UNC13A: variants seen among roughly 807,000 people sequenced by gnomAD.
UNC13A encodes unc-13 homolog A.
A neutral mutation model predicts 219.7 loss-of-function variants in UNC13A; 61 were observed. The ratio of observed to expected loss-of-function variants is 0.28; its 90% CI spans 0.23 to 0.34. UNC13A has a LOEUF of 0.34. Among genes scored for constraint, UNC13A ranks in the 10% least tolerant of loss-of-function variants. UNC13A has a pLI of 1.00. For missense variants in UNC13A, 1,476 were observed against 2,270.3 expected, an observed-to-expected ratio of 0.65 and a Z score of 7.11; for synonymous variants, 920 against 884.6, an observed-to-expected ratio of 1.04 and a Z score of -0.71.
chr19:17,627,697 A>G lies in UNC13A; in HGVS notation c.3832-100T>C. On this transcript the variant is annotated intron_variant, in intron 32 of 43. Transcript: ENST00000519716. This position sits in a 1 kb window ranked among gnomAD's most constrained non-coding sequence, Gnocchi z 4.7. ...AGGGAAAGGGATCCCAAGGGGCTGC[A>G]GGGGAAACTGAGGCACAGACCGTTA... 1.6e-6 allele frequency: 2 copies of G among 1,267,840 alleles called. No homozygotes were observed. Among genetic ancestry groups the G allele is most frequent in the East Asian group, 2.5e-5 (1 of 39,682 alleles). The allele number at this position is 1,267,840 out of a possible 1,614,324, so 78.5% of individuals were successfully genotyped here. A position where few individuals can be genotyped will look rare whatever the true frequency, so the allele number is the denominator to read the frequency against.
Position 17,678,579 on chromosome 19 carries a change from T to G in UNC13A, c.23-2538A>C, listed in dbSNP as rs1258000475. On this transcript the variant is annotated intron_variant, in intron 1 of 43. Coordinates refer to ENST00000519716, the MANE Select transcript of UNC13A (RefSeq NM_001080421.3). ...CTCTGCTTCCATCTCTGTCTTTTTTTTTTCTAGGTCTGGTTTGTTCGCTCA... is the reference window on the plus strand; with the variant it reads ...CTCTGCTTCCATCTCTGTCTTTTTTGTTTCTAGGTCTGGTTTGTTCGCTCA... Among the ~76,000 whole-genome samples, 15 of 151,992 alleles carry G rather than the reference T, an allele frequency of 9.9e-5. No homozygotes were observed. In the East Asian group the frequency reaches 2.7e-3, roughly 27 times the overall value.
At chr19:17,616,601 G>A (rs2076667640) in intron 41 of UNC13A, 1 of 509,774 alleles carries the variant, frequency 2.0e-6, no homozygotes, top group Non-Finnish European at 3.5e-6. Context: ...CGGCGAGTGA[G>A]AGGGAGGAAA....
intron 25 of UNC13A, 63 bp downstream of exon 25, chr19:17,639,020 C>A: frequency 6.6e-7 from 1 of 1,507,068 alleles, no homozygotes; most frequent in South Asian, 1.3e-5. Flanking sequence ...AGGGGCAGGG[C>A]TGGGACTGAA....
At chr19:17,639,959 C>T (rs1166826118) in intron 22 of UNC13A, 51 bp from the exon 23 acceptor site, 2 of 1,589,426 alleles carry the variant, frequency 1.3e-6, no homozygotes, top group African/African-American at 2.7e-5. Flanking sequence ...ACATGGCCGC[C>T]ATAGTGGCTG....
intron 4 of UNC13A, 129 bp downstream of exon 4, chr19:17,672,249 G>T: frequency 1.3e-6 from 1 of 749,232 alleles, no homozygotes; most frequent in Non-Finnish European, 2.3e-6. Context: ...AAGGTTCGTG[G>T]CAATCCCAAG....
chr19:17,662,168 G>A (rs1026837799), intron 8 of UNC13A, among the ~76,000 whole-genome samples: 2 of 151,994 alleles, frequency 1.3e-5, no homozygotes, highest in Non-Finnish European at 2.9e-5. Flanking sequence ...ACTTGAACTC[G>A]GAGGCAGAGG....
intron 16 of UNC13A, among the ~76,000 whole-genome samples, chr19:17,648,071 C>T (rs1238481126): frequency 1.4e-5 from 2 of 144,274 alleles, no homozygotes; most frequent in African/African-American, 2.6e-5. Flanking sequence ...CCTCTCTGAG[C>T]CCCTCTTCCT....
chr19:17,628,051 C>G, intron 31 of UNC13A, 111 bp from the exon 32 acceptor site: 1 of 1,047,190 alleles, frequency 9.5e-7, no homozygotes, highest in Non-Finnish European at 1.4e-6. Context: ...CTGGAGGAAG[C>G]TGGGGTCCCA....
intron 7 of UNC13A, 44 bp from the exon 8 acceptor site, chr19:17,663,611 G>T: frequency 6.3e-7 from 1 of 1,578,970 alleles, no homozygotes; most frequent in East Asian, 2.3e-5. Flanking sequence ...AGCAGACAGA[G>T]GGGTGGGTGT....
chr19:17,664,138 G>T (rs1487448930), intron 7 of UNC13A, among the ~76,000 whole-genome samples: 1 of 152,136 alleles, frequency 6.6e-6, no homozygotes, highest in Non-Finnish European at 1.5e-5. Flanking sequence ...CAGTCAGGAA[G>T]TAACAAAGTG....
chr19:17,636,927 G>A (rs2076918038), intron 25 of UNC13A, among the ~76,000 whole-genome samples: 2 of 151,562 alleles, frequency 1.3e-5, no homozygotes, highest in Admixed American at 1.3e-4. Flanking sequence ...GAATGAATTT[G>A]TACTCAATAA....
intron 12 of UNC13A, among the ~76,000 whole-genome samples, chr19:17,651,244 T>A (rs1241356522): frequency 1.2e-5 from 1 of 83,982 alleles, no homozygotes; most frequent in East Asian, 5.1e-4. Context: ...GGCCCACACA[T>A]AGCTAATTAA....
chr19:17,679,356 C>T (rs1264280646), intron 1 of UNC13A, among the ~76,000 whole-genome samples: 25 of 151,686 alleles, frequency 1.6e-4, no homozygotes, highest in Non-Finnish European at 1.5e-5. Context: ...GCCAAGATCA[C>T]GCCATTGCAC....
At chr19:17,615,743 T>C (rs1025771822) in intron 41 of UNC13A, among the ~76,000 whole-genome samples, 1 of 151,870 alleles carries the variant, frequency 6.6e-6, no homozygotes, top group Non-Finnish European at 1.5e-5. Context: ...AAGGTCCTGC[T>C]CAGCCTTAGA....
chr19:17,661,158 CAG>C (rs1323507659), intron 8 of UNC13A, among the ~76,000 whole-genome samples: 3 of 143,978 alleles, frequency 2.1e-5, no homozygotes, highest in Admixed American at 1.4e-4. Flanking sequence ...AGGCTGATTT[CAG>C]ACTTTGGAGC....
intron 22 of UNC13A, among the ~76,000 whole-genome samples, chr19:17,640,120 C>T (rs559139006): frequency 9.2e-5 from 14 of 152,110 alleles, no homozygotes; most frequent in South Asian, 2.1e-4. Flanking sequence ...CTGCAACCTC[C>T]GACTCCTAGG....
At chr19:17,672,273 G>T in intron 4 of UNC13A, 105 bp downstream of exon 4, 1 of 887,796 alleles carries the variant, frequency 1.1e-6, no homozygotes, top group Non-Finnish European at 1.8e-6. Context: ...CTACATTGAT[G>T]TTGTCAGGGG....
In UNC13A at chr19:17,604,726, C is replaced by G. The variant is rs941185357; in HGVS notation, c.*1328G>C. ...GTGCACCAGGTAACTCCAGCCAGGT[C>G]ACTGTAACTTTGCTCATTGGAGAAA... On this transcript the variant is annotated 3_prime_UTR_variant, in exon 44 of 44. Coordinates refer to ENST00000519716, the MANE Select transcript of UNC13A (RefSeq NM_001080421.3). The G allele has an allele frequency of 2.6e-5, 4 of 152,262 alleles. No homozygotes were observed. The highest frequency in any genetic ancestry group is 5.9e-5 in the Non-Finnish European group (4 of 68,074). The allele number at this position is 152,262 out of a possible 1,614,324, so 9.4% of individuals were successfully genotyped here. A position where few individuals can be genotyped will look rare whatever the true frequency, so the allele number is the denominator to read the frequency against.
chr19:17,629,321 G>A lies in UNC13A; in HGVS notation c.3672C>T (p.Thr1224=). 1 of 1,609,930 alleles carries A rather than the reference G, an allele frequency of 6.2e-7. No individual in the cohort carries two copies. Among genetic ancestry groups the A allele is most frequent in the Non-Finnish European group, 8.5e-7 (1 of 1,178,214 alleles). The change falls in exon 31 of 44, where the codon ACC becomes ACT. Residue 1224 remains threonine (T), a splice_region_variant and synonymous_variant. Coordinates refer to ENST00000519716, the MANE Select transcript of UNC13A (RefSeq NM_001080421.3). ...VGHYMRRFAK[T]ISNVLLQYAD... is the part of the protein sequence containing the mutation. ...CATACTGGAGGAGCACATTACTGAT[G>A]GTCTGGGGAAGACACAGAGTGTGGG...
Sources: allele counts gnomAD v4.1 joint callset (sites outside exome capture counted in the v4.1 genomes callset), GRCh38; gene constraint gnomAD v4.1.1; non-coding constraint Gnocchi (gnomAD v3.1); transcripts MANE v1.5; gene names NCBI Gene and HGNC (gene_info 2026-07-23, HGNC 2026-07-21).